Variants in TTLL11 observed in about 807,000 individuals in gnomAD.
TTLL11 encodes tubulin tyrosine ligase like 11, also known as tubulin polyglutamylase TTLL11.
Under a neutral mutation model 51.7 loss-of-function variants are expected in TTLL11, and 42 were observed. The observed-to-expected ratio is 0.81, with a 90% CI of 0.64 to 1.05. The LOEUF is 1.05. TTLL11 is among the 50% of genes least tolerant of loss of function. TTLL11 has a pLI of 0.00. For synonymous variants in TTLL11, 381 were observed against 383.5 expected (o/e 0.99, Z 0.08); for missense variants, 799 against 940.4 (o/e 0.85, Z 1.97).
intron 6 of TTLL11, among the ~76,000 whole-genome samples, chr9:121,930,162 C>A (rs1439303427): frequency 6.6e-6 from 1 of 152,204 alleles, no homozygotes; most frequent in Admixed American, 6.5e-5. Flanking sequence ...AAAACCAAGT[C>A]TGACCAGACA....
chr9:122,029,668 A>C (rs1844467110), intron 3 of TTLL11, among the ~76,000 whole-genome samples: 1 of 152,236 alleles, frequency 6.6e-6, no homozygotes, highest in Non-Finnish European at 1.5e-5. Context: ...GAAAGTAAAA[A>C]GTTACAGTAA....
intron 8 of TTLL11, among the ~76,000 whole-genome samples, chr9:121,831,165 C>T (rs532419139): frequency 6.6e-6 from 1 of 152,308 alleles, no homozygotes; most frequent in East Asian, 1.9e-4. Flanking sequence ...CTGGCCTTCC[C>T]CTCAAGGTCA....
intron 3 of TTLL11, among the ~76,000 whole-genome samples, chr9:122,008,400 T>C (rs1217737849): frequency 6.6e-6 from 1 of 152,190 alleles, no homozygotes; most frequent in Admixed American, 6.5e-5. Context: ...AATAACCCTA[T>C]TAAAGAATGG....
intron 6 of TTLL11, among the ~76,000 whole-genome samples, chr9:121,959,965 T>C (rs1842164769): frequency 6.6e-6 from 1 of 151,964 alleles, no homozygotes; most frequent in African/African-American, 2.4e-5. Context: ...ATACATACAT[T>C]TAAAGAATAA....
At chr9:122,031,586 C>T (rs1844545711) in intron 3 of TTLL11, 137 bp downstream of exon 3, 2 of 991,126 alleles carry the variant, frequency 2.0e-6, no homozygotes, top group Non-Finnish European at 1.4e-6. Flanking sequence ...GCTGCCAACA[C>T]CTACTGTGTA....
intron 3 of TTLL11, among the ~76,000 whole-genome samples, chr9:122,006,981 C>CAAAAAAA (rs71371911): frequency 4.6e-5 from 2 of 43,460 alleles, no homozygotes; most frequent in African/African-American, 7.1e-5. Flanking sequence ...GATACTCTGT[C>CAAAAAAA]AAAAAAAAAA....
intron 2 of TTLL11, among the ~76,000 whole-genome samples, chr9:122,035,577 A>G (rs1844679568): frequency 6.6e-6 from 1 of 152,266 alleles, no homozygotes. Context: ...AATATTATTT[A>G]TAACAATAAT....
chr9:121,844,078 G>C (rs2131359714), intron 8 of TTLL11, among the ~76,000 whole-genome samples: 1 of 152,164 alleles, frequency 6.6e-6, no homozygotes, highest in East Asian at 1.9e-4. Context: ...GAGAAAAAAG[G>C]GGCTAAGAAG....
chr9:121,824,915 G>C (rs1449623674), intron 8 of TTLL11, among the ~76,000 whole-genome samples: 1 of 152,166 alleles, frequency 6.6e-6, no homozygotes, highest in Non-Finnish European at 1.5e-5. Flanking sequence ...TTTGCCTTGG[G>C]AACTTGAGCT....
intron 4 of TTLL11, among the ~76,000 whole-genome samples, chr9:121,977,954 C>A (rs1033463227): frequency 6.6e-6 from 1 of 152,132 alleles, no homozygotes; most frequent in Admixed American, 6.5e-5. Context: ...GGATTACAGA[C>A]GTGAGCCACC....
At chr9:121,826,547 A>ATGTGTG (rs1564260568) in intron 8 of TTLL11, among the ~76,000 whole-genome samples, 5 of 35,088 alleles carry the variant, frequency 1.4e-4, no homozygotes, top group South Asian at 2.5e-3. Flanking sequence ...GTATATATAT[A>ATGTGTG]TATGTGTGTG....
intron 6 of TTLL11, among the ~76,000 whole-genome samples, chr9:121,872,222 C>T (rs1178020136): frequency 6.6e-6 from 1 of 152,244 alleles, no homozygotes; most frequent in Non-Finnish European, 1.5e-5. Context: ...CTGGCCGTGG[C>T]TGGCTGGCAC....
At chr9:121,976,622 T>C (rs943258038) in intron 4 of TTLL11, among the ~76,000 whole-genome samples, 3 of 152,206 alleles carry the variant, frequency 2.0e-5, no homozygotes, top group Admixed American at 1.3e-4. Flanking sequence ...CTAGTCTATA[T>C]AGAATATGCA....
chr9:122,019,588 T>C (rs553490357), intron 3 of TTLL11, among the ~76,000 whole-genome samples: 21 of 152,314 alleles, frequency 1.4e-4, no homozygotes, highest in African/African-American at 5.1e-4. Flanking sequence ...TAGGTGGGAC[T>C]ACAGACACAT....
intron 3 of TTLL11, among the ~76,000 whole-genome samples, chr9:121,992,368 C>T (rs902052023): frequency 2.6e-5 from 4 of 152,174 alleles, no homozygotes; most frequent in Non-Finnish European, 5.9e-5. Context: ...AAAAGTAACA[C>T]GTTGGCTCTT....
rs145754111 is a variant in TTLL11, at chr9:121,996,287, G to A, written c.694-6517C>T. 4.5e-3 allele frequency among the ~76,000 whole-genome samples: 682 copies of A among 152,210 alleles called. 6 individuals are homozygous for A. The highest frequency in any genetic ancestry group is 0.016 in the African/African-American group (658 of 41,522). ...CCGACCTCCTGCCCTTTCTTTGCCT[G>A]TAAAGCTCCTGCCCATCATCTATGG... On this transcript the variant is annotated intron_variant, in intron 3 of 8. Transcript: ENST00000321582.
At chr9:122,090,958 TTTAC>T (rs1468388698) in intron 1 of TTLL11, among the ~76,000 whole-genome samples, 1 of 152,190 alleles carries the variant, frequency 6.6e-6, no homozygotes, top group Non-Finnish European at 1.5e-5. Flanking sequence ...CAATTATTCC[TTTAC>T]TTGTGTTTTA....
At chr9:121,984,330 A>G (rs764942421) in intron 4 of TTLL11, among the ~76,000 whole-genome samples, 4 of 152,248 alleles carry the variant, frequency 2.6e-5, no homozygotes, top group Non-Finnish European at 5.9e-5. Flanking sequence ...GGTTACAGAT[A>G]ACAAACAATG....
intron 6 of TTLL11, among the ~76,000 whole-genome samples, chr9:121,912,827 T>A (rs1447647744): frequency 6.6e-5 from 10 of 151,614 alleles, no homozygotes; most frequent in Admixed American, 2.6e-4. Flanking sequence ...ATAAAGATCC[T>A]TGGGAAAGGC....
Sources: gnomAD v4.1 joint callset for allele counts (sites outside exome capture counted in the v4.1 genomes callset) on GRCh38, gnomAD v4.1.1 for gene constraint, MANE v1.5 for transcripts, NCBI Gene and HGNC (gene_info 2026-07-23, HGNC 2026-07-21) for gene names.